Variants in LRIG3 observed in about 807,000 individuals in gnomAD.
LRIG3 encodes leucine rich repeats and immunoglobulin like domains 3, also known as leucine-rich repeats and immunoglobulin-like domains protein 3.
A neutral mutation model predicts 114.5 loss-of-function variants in LRIG3; 76 were observed. The observed-to-expected ratio is 0.66, with a 90% CI of 0.55 to 0.80. LRIG3 has a LOEUF of 0.80. Ranked by LOEUF, LRIG3 falls within the 30% of genes least tolerant of loss-of-function variation. The pLI is 0.00. For synonymous variants in LRIG3, 512 were observed against 519.8 expected, an observed-to-expected ratio of 0.98 and a Z score of 0.20; for missense variants, 1,239 against 1,382.8, an observed-to-expected ratio of 0.90 and a Z score of 1.65.
intron 3 of LRIG3, among the ~76,000 whole-genome samples, chr12:58,892,238 C>T (rs552366291): frequency 2.7e-4 from 41 of 152,206 alleles, no homozygotes; most frequent in African/African-American, 8.7e-4. Flanking sequence ...GAGAAAATAA[C>T]GTCAAGGTAG....
chr12:58,874,312 C>G lies in LRIG3; in HGVS notation c.2858G>C (p.Arg953Thr). 1.2e-6 allele frequency: 2 copies of G among 1,611,946 alleles called. No homozygotes were observed. Among genetic ancestry groups the G allele is most frequent in the Non-Finnish European group, 1.7e-6 (2 of 1,179,214 alleles). ...CTCATAGTGGTCCATTAAAACTGTT[C>G]TTGGGTCAGGACTGCAACCTTTTTA... ...TYHTGCSPDPRTVLMDHYEPS... is the reference protein window; with the variant it reads ...TYHTGCSPDPTTVLMDHYEPS... Residue 953 changes from arginine (R) to threonine (T), a missense_variant, in exon 18 of 19, where the codon AGA becomes ACA. Transcript: ENST00000320743.
At chr12:58,919,286 A>C in intron 1 of LRIG3, 1 of 1,085,072 alleles carries the variant, frequency 9.2e-7, no homozygotes, top group Non-Finnish European at 1.3e-6. Context: ...CTTGCATAAG[A>C]GCTCCCTGCG....
chr12:58,920,456 G>A lies in LRIG3; in HGVS notation c.-221C>T, dbSNP rs1872634847. 1 of 396,896 alleles carries A rather than the reference G, an allele frequency of 2.5e-6. No individual in the cohort carries two copies. Among genetic ancestry groups the A allele is most frequent in the South Asian group, 1.0e-4 (1 of 9,614 alleles). The allele number at this position is 396,896 out of a possible 1,614,324, so 24.6% of individuals were successfully genotyped here. The stretch of plus-strand genomic sequence containing the variant: ...CCGAAAAGAACTGCCAACTGCAACA[G>A]AGTTGCAGCTTGAGCAGCGTCGGCT... On this transcript the variant is annotated 5_prime_UTR_variant, in exon 1 of 19. Coordinates refer to ENST00000320743, the MANE Select transcript of LRIG3 (RefSeq NM_153377.5).
Position 58,874,446 on chromosome 12 carries a change from A to G in LRIG3, c.2823T>C (p.Phe941=). ...LKGNVYGSDP[F]ETYHTGCSPD... ...ACCACCTACCTGTATGATATGTTTC[A>G]AAAGGATCTGAGCCATACACATTTC... Residue 941 remains phenylalanine (F), a synonymous_variant, in exon 17 of 19, where the codon TTT becomes TTC. Coordinates refer to ENST00000320743, the MANE Select transcript of LRIG3 (RefSeq NM_153377.5). 2.5e-6 allele frequency: 4 copies of G among 1,614,224 alleles called. No homozygotes were observed. The highest frequency in any genetic ancestry group is 3.4e-6 in the Non-Finnish European group (4 of 1,180,040).
At chr12:58,905,922 A>T (rs1872047604) in intron 3 of LRIG3, among the ~76,000 whole-genome samples, 1 of 152,250 alleles carries the variant, frequency 6.6e-6, no homozygotes, top group Non-Finnish European at 1.5e-5. Context: ...TATTCTGTAT[A>T]GCTTTCTGCA....
chr12:58,915,508 T>C (rs117645918), intron 1 of LRIG3, among the ~76,000 whole-genome samples: 1,684 of 152,294 alleles, frequency 0.011, 103 homozygotes, highest in Admixed American at 0.095. Flanking sequence ...TTTCAGTCTT[T>C]GAGTTTCTGT....
intron 8 of LRIG3, among the ~76,000 whole-genome samples, chr12:58,887,257 AT>A (rs5798473): frequency 0.032 from 4,802 of 152,302 alleles, 110 homozygotes; most frequent in Middle Eastern, 0.085. Context: ...CAATTACGTA[AT>A]GCTTCAAATA....
In LRIG3 at chr12:58,878,920, T is replaced by A; in HGVS notation, c.1987A>T (p.Ile663Phe). Residue 663 changes from isoleucine (I) to phenylalanine (F), a missense_variant, in exon 14 of 19, where the codon ATC becomes TTC. Physicochemically the swap from Ile to Phe is conservative, Grantham distance 21 (BLOSUM62 0). Transcript: ENST00000320743. ...ATGTCCTCTATCTTCACATCCACGA[T>A]AAAGAACACGTCATCCTCGGGCATC... is the stretch of plus-strand genomic sequence containing the variant. Reference protein sequence around the residue: ...HVMPEDDVFFIVDVKIEDIGV... With the variant: ...HVMPEDDVFFFVDVKIEDIGV... The A allele has an allele frequency of 6.2e-7, 1 of 1,613,242 alleles. No homozygotes were observed. The highest frequency in any genetic ancestry group is 8.5e-7 in the Non-Finnish European group (1 of 1,179,192).
chr12:58,905,757 C>T (rs1187624777), intron 3 of LRIG3, among the ~76,000 whole-genome samples: 1 of 152,136 alleles, frequency 6.6e-6, no homozygotes, highest in South Asian at 2.1e-4. Flanking sequence ...CGTGTTCAGG[C>T]CCCCTTGACA....
Position 58,914,302 on chromosome 12 carries a change from C to T in LRIG3, c.271G>A (p.Ala91Thr). The change falls in exon 2 of 19, where the codon GCA (alanine) becomes ACA (threonine). Residue 91 changes from alanine (A) to threonine (T), a missense_variant. By Grantham distance (58) the Ala-to-Thr change is moderately conservative. Coordinates refer to ENST00000320743, the MANE Select transcript of LRIG3 (RefSeq NM_153377.5). ...CTTTGAAGGTGGCTCATGGAACTTG[C>T]CTTGATGAAAGATAATCTGTTGTGA... ...LSHNRLSFIK[A>T]SSMSHLQSLR... 1.2e-6 allele frequency: 2 copies of T among 1,613,844 alleles called. No homozygotes were observed. The highest frequency in any genetic ancestry group is 1.7e-6 in the Non-Finnish European group (2 of 1,179,902).
intron 3 of LRIG3, among the ~76,000 whole-genome samples, chr12:58,898,043 A>G (rs74854001): frequency 0.012 from 1,852 of 152,342 alleles, 33 homozygotes; most frequent in East Asian, 0.088. Context: ...GCAGCTGTAG[A>G]TTGCACCATA....
At chr12:58,916,621 C>T (rs967233215) in intron 1 of LRIG3, among the ~76,000 whole-genome samples, 7 of 152,110 alleles carry the variant, frequency 4.6e-5, no homozygotes, top group Admixed American at 1.3e-4. Context: ...GCAGATTCTT[C>T]ATGTTTAGAG....
chr12:58,914,846 T>C (rs11614842), intron 1 of LRIG3, among the ~76,000 whole-genome samples: 20,793 of 152,208 alleles, frequency 0.14, 3,016 homozygotes, highest in African/African-American at 0.37. Flanking sequence ...AAAGCATTAT[T>C]TTGTGTGTGA....
intron 3 of LRIG3, among the ~76,000 whole-genome samples, chr12:58,908,392 A>G (rs984774407): frequency 6.6e-6 from 1 of 152,178 alleles, no homozygotes; most frequent in Non-Finnish European, 1.5e-5. Context: ...GTAGTTCAGA[A>G]ATGTGAAGGG....
chr12:58,885,230 A>T (rs886116573), intron 10 of LRIG3, among the ~76,000 whole-genome samples: 2 of 152,172 alleles, frequency 1.3e-5, no homozygotes, highest in African/African-American at 2.4e-5. Flanking sequence ...AAAAGAGAAC[A>T]ATGGTAAGGG....
chr12:58,883,694 ACTCCCTCTATGTGT>A (rs1458776771), intron 10 of LRIG3, 103 bp from the exon 11 acceptor site: 3 of 682,718 alleles, frequency 4.4e-6, no homozygotes, highest in Non-Finnish European at 7.4e-6. Context: ...CCAAACAAAT[ACTCCCTCTATGTGT>A]CAAATACATG....
intron 1 of LRIG3, among the ~76,000 whole-genome samples, chr12:58,919,082 A>T (rs1159661306): frequency 6.7e-6 from 1 of 149,676 alleles, no homozygotes; most frequent in Non-Finnish European, 1.5e-5. Flanking sequence ...TAAACAGAAC[A>T]ACTACTTTAA....
intron 12 of LRIG3, among the ~76,000 whole-genome samples, chr12:58,882,573 G>T (rs1187786097): frequency 6.6e-6 from 1 of 152,108 alleles, no homozygotes; most frequent in Non-Finnish European, 1.5e-5. Context: ...AATATTTAGG[G>T]AATTTAAGTT....
chr12:58,875,656 G>A (rs983013061), intron 16 of LRIG3, among the ~76,000 whole-genome samples: 3 of 152,154 alleles, frequency 2.0e-5, no homozygotes, highest in African/African-American at 7.2e-5. Context: ...GTAAGTAGTA[G>A]GTCTTGTACC....
Sources: gnomAD v4.1 joint callset for allele counts (sites outside exome capture counted in the v4.1 genomes callset) on GRCh38, gnomAD v4.1.1 for gene constraint, MANE v1.5 for transcripts, NCBI Gene and HGNC (gene_info 2026-07-23, HGNC 2026-07-21) for gene names.